BMP2K: variants seen among roughly 807,000 people sequenced by gnomAD.
BMP2K encodes BMP2 inducible kinase.
A neutral mutation model predicts 116.0 loss-of-function variants in BMP2K; 74 were observed. That is an observed-to-expected ratio of 0.64 (90% CI 0.53 to 0.77). The LOEUF is 0.77. Among genes scored for constraint, BMP2K ranks in the 30% least tolerant of loss-of-function variants. BMP2K has a pLI of 0.00. For synonymous variants in BMP2K, 486 were observed against 502.5 expected (o/e 0.97, Z 0.44); for missense variants, 1,365 against 1,403.6 (o/e 0.97, Z 0.44).
At chr4:78,817,228 C>T (rs1012870228) in intron 1 of BMP2K, among the ~76,000 whole-genome samples, 5 of 152,204 alleles carry the variant, frequency 3.3e-5, no homozygotes, top group Non-Finnish European at 5.9e-5. Context: ...GGGTATCCAA[C>T]AATTCCATTC....
At chr4:78,894,391 C>T (rs1733593454) in intron 15 of BMP2K, among the ~76,000 whole-genome samples, 1 of 152,198 alleles carries the variant, frequency 6.6e-6, no homozygotes, top group Non-Finnish European at 1.5e-5. Flanking sequence ...GTGAAATCTT[C>T]CGGATAACTT....
intron 1 of BMP2K, among the ~76,000 whole-genome samples, chr4:78,821,114 C>T (rs1303946689): frequency 1.3e-5 from 2 of 152,174 alleles, no homozygotes; most frequent in Non-Finnish European, 2.9e-5. Context: ...ATTTCTTTAG[C>T]TCCCAGCACC....
At chr4:78,806,792 A>G (rs549268639) in intron 1 of BMP2K, among the ~76,000 whole-genome samples, 1 of 148,950 alleles carries the variant, frequency 6.7e-6, no homozygotes, top group Admixed American at 6.7e-5. Context: ...TTCTATTCCT[A>G]GTTTGTTGAC....
At chr4:78,876,718 A>G (rs1371719074) in intron 13 of BMP2K, among the ~76,000 whole-genome samples, 1 of 152,232 alleles carries the variant, frequency 6.6e-6, no homozygotes, top group African/African-American at 2.4e-5. Flanking sequence ...GGATTTGCAT[A>G]TGAATTATGA....
rs377199520 is a variant in BMP2K, at chr4:78,821,445, C to T, written c.179-4592C>T. Among the ~76,000 whole-genome samples the T allele has an allele frequency of 1.1e-4, 17 of 152,284 alleles. 1 individual carries two copies. In the East Asian group the frequency reaches 1.5e-3, roughly 14 times the overall value. On this transcript the variant is annotated intron_variant, in intron 1 of 15. Transcript: ENST00000502613. ...TGTCTGGCTGCCAGTGTTATTGTAG[C>T]TGAACAGTGGTCTTGAGTTGAGGTG...
At chr4:78,839,913 G>A (rs1362217059) in intron 3 of BMP2K, among the ~76,000 whole-genome samples, 2 of 152,016 alleles carry the variant, frequency 1.3e-5, no homozygotes, top group Admixed American at 6.6e-5. Context: ...TTCCCGGCCC[G>A]CTGACTCAAA....
intron 6 of BMP2K, among the ~76,000 whole-genome samples, chr4:78,850,153 T>TA (rs577616457): frequency 3.6e-3 from 549 of 151,138 alleles, no homozygotes; most frequent in African/African-American, 5.2e-3. Context: ...AAAAATCACT[T>TA]AAAAAAAAAT....
intron 1 of BMP2K, among the ~76,000 whole-genome samples, chr4:78,778,075 G>T (rs1272776631): frequency 1.3e-5 from 2 of 152,146 alleles, no homozygotes; most frequent in African/African-American, 4.8e-5. Flanking sequence ...AGATTGTGTT[G>T]TAGGTTTTAA....
chr4:78,776,593 G>T lies in BMP2K; in HGVS notation c.50G>T (p.Gly17Val). 8.5e-7 allele frequency: 1 copy of T among 1,176,118 alleles called. No homozygotes were observed. The allele number at this position is 1,176,118 out of a possible 1,614,324, so 72.9% of individuals were successfully genotyped here. Residue 17 changes from glycine to valine, a missense_variant, in exon 1 of 16, where the codon GGA (glycine) becomes GTA (valine). Around this residue, in one of 3 missense-constraint regions of BMP2K, gnomAD observed 762 missense variants for 756.7 expected, o/e 1.01. Transcript: ENST00000502613. The part of the protein sequence containing the change: ...MPKSEGGSGG[G>V]AAGGGAGGAG... ...AAGTCGGAGGGCGGCAGCGGCGGCG[G>T]AGCGGCGGGTGGCGGGGCTGGCGGG...
intron 1 of BMP2K, among the ~76,000 whole-genome samples, chr4:78,824,734 A>G (rs1408365450): frequency 6.6e-6 from 1 of 152,170 alleles, no homozygotes; most frequent in Non-Finnish European, 1.5e-5. Flanking sequence ...TTTAAAGGCT[A>G]TTAAATTAAT....
intron 14 of BMP2K, among the ~76,000 whole-genome samples, chr4:78,883,772 C>T (rs1191059959): frequency 1.3e-5 from 2 of 151,978 alleles, no homozygotes; most frequent in Admixed American, 6.6e-5. Context: ...GGTTTAAATA[C>T]GTGGAGAGGG....
intron 13 of BMP2K, among the ~76,000 whole-genome samples, chr4:78,878,305 G>A (rs1265918685): frequency 6.6e-6 from 1 of 152,050 alleles, no homozygotes; most frequent in Admixed American, 6.6e-5. Context: ...TGTCTGATAA[G>A]GTGACTGATT....
intron 1 of BMP2K, among the ~76,000 whole-genome samples, chr4:78,811,997 G>C (rs950912972): frequency 1.3e-5 from 2 of 151,874 alleles, no homozygotes; most frequent in Non-Finnish European, 2.9e-5. Flanking sequence ...TTTAAAGACA[G>C]AGTCTCGCTC....
At chr4:78,884,277 T>TG (rs1344534853) in intron 14 of BMP2K, among the ~76,000 whole-genome samples, 4 of 152,030 alleles carry the variant, frequency 2.6e-5, no homozygotes, top group Non-Finnish European at 5.9e-5. Context: ...CAGTGAGCCA[T>TG]GATCATGCCA....
intron 5 of BMP2K, among the ~76,000 whole-genome samples, chr4:78,846,625 A>G (rs1175114182): frequency 6.6e-6 from 1 of 151,614 alleles, no homozygotes; most frequent in Non-Finnish European, 1.5e-5. Context: ...ATAGCTTATT[A>G]TGGCAGTCAG....
intron 15 of BMP2K, among the ~76,000 whole-genome samples, chr4:78,900,567 G>A (rs1044060087): frequency 1.3e-5 from 2 of 152,178 alleles, no homozygotes; most frequent in African/African-American, 4.8e-5. Flanking sequence ...AGGGAATTAA[G>A]GATAATTCAT....
At chr4:78,809,979 C>G (rs1729007051) in intron 1 of BMP2K, among the ~76,000 whole-genome samples, 1 of 152,162 alleles carries the variant, frequency 6.6e-6, no homozygotes, top group African/African-American at 2.4e-5. Context: ...TGTGGCAACT[C>G]TGGAAACTGG....
At chr4:78,826,960 T>A (rs1308663272) in intron 2 of BMP2K, among the ~76,000 whole-genome samples, 1 of 152,208 alleles carries the variant, frequency 6.6e-6, no homozygotes, top group Non-Finnish European at 1.5e-5. Context: ...CCTGAAGATA[T>A]GAGTTTGGTT....
chr4:78,814,154 A>G (rs1258015211), intron 1 of BMP2K, among the ~76,000 whole-genome samples: 2 of 152,188 alleles, frequency 1.3e-5, no homozygotes, highest in African/African-American at 4.8e-5. Context: ...CAGTGGTGAC[A>G]TGGTGTAGAC....
Sources: allele counts gnomAD v4.1 joint callset (sites outside exome capture counted in the v4.1 genomes callset), GRCh38; gene constraint gnomAD v4.1.1; regional missense constraint gnomAD v4.1.1; transcripts MANE v1.5; gene names NCBI Gene and HGNC (gene_info 2026-07-23, HGNC 2026-07-21).